MBD5: variants seen among roughly 807,000 people sequenced by gnomAD.
MBD5 encodes the protein methyl-CpG binding domain protein 5.
Under a neutral mutation model 117.3 loss-of-function variants are expected in MBD5, and 13 were observed. That is an observed-to-expected ratio of 0.11 (90% CI 0.07 to 0.18). MBD5 has a LOEUF of 0.18. MBD5 is among the 10% of genes least tolerant of loss of function. The pLI, the probability that MBD5 is intolerant of heterozygous loss-of-function variation, is 1.00. For synonymous variants in MBD5, 727 were observed against 766.4 expected, an observed-to-expected ratio of 0.95 and a Z score of 0.85; for missense variants, 1,879 against 2,093.8, an observed-to-expected ratio of 0.90 and a Z score of 2.00.
chr2:148,197,799 T>TA (rs1553483811), intron 2 of MBD5, among the ~76,000 whole-genome samples: 1 of 132,922 alleles, frequency 7.5e-6, no homozygotes, highest in South Asian at 2.5e-4. Context: ...CTGAGGTTTT[T>TA]TTTTTTGTTT....
intron 3 of MBD5, among the ~76,000 whole-genome samples, chr2:148,292,266 A>G (rs990211666): frequency 6.6e-6 from 1 of 152,206 alleles, no homozygotes; most frequent in Non-Finnish European, 1.5e-5. Flanking sequence ...ACAGTCAAGA[A>G]AGTGAAGAGA....
chr2:148,278,655 A>G (rs1451924612), intron 3 of MBD5, among the ~76,000 whole-genome samples: 1 of 152,134 alleles, frequency 6.6e-6, no homozygotes, highest in African/African-American at 2.4e-5. Flanking sequence ...TTCTCCGGAG[A>G]CAGAACCAGT....
intron 1 of MBD5, among the ~76,000 whole-genome samples, chr2:148,160,637 G>A (rs10497029): frequency 0.3 from 44,871 of 152,008 alleles, 8,141 homozygotes; most frequent in East Asian, 0.46. Flanking sequence ...AGGATATACT[G>A]TAGGAGATAC....
chr2:148,069,335 A>C (rs1451880471), intron 1 of MBD5, among the ~76,000 whole-genome samples: 2 of 152,064 alleles, frequency 1.3e-5, no homozygotes, highest in Non-Finnish European at 2.9e-5. Flanking sequence ...TTTTATGTCA[A>C]TACATATTCA....
chr2:148,189,185 C>T (rs1292602143), intron 2 of MBD5, among the ~76,000 whole-genome samples: 4 of 147,256 alleles, frequency 2.7e-5, no homozygotes, highest in Non-Finnish European at 4.5e-5. Context: ...GGGGGAGGGG[C>T]GCCCGCCATT....
chr2:148,325,163 C>G (rs1041868609), intron 3 of MBD5, among the ~76,000 whole-genome samples: 2 of 152,146 alleles, frequency 1.3e-5, no homozygotes, highest in African/African-American at 2.4e-5. Context: ...ATTGAACCAG[C>G]CTTGCATCCC....
intron 3 of MBD5, among the ~76,000 whole-genome samples, chr2:148,340,729 G>A (rs1295710553): frequency 6.6e-6 from 1 of 151,694 alleles, no homozygotes; most frequent in African/African-American, 2.4e-5. Context: ...TTGAAGTGAG[G>A]ATTATTTGAG....
intron 3 of MBD5, among the ~76,000 whole-genome samples, chr2:148,288,276 T>C (rs1701412198): frequency 8.6e-6 from 1 of 116,688 alleles, no homozygotes; most frequent in African/African-American, 3.0e-5. Context: ...GGCGGGCGCC[T>C]GTAGTCCCAG....
At chr2:148,079,857 A>AAACAACAACAAC (rs201427792) in intron 1 of MBD5, among the ~76,000 whole-genome samples, 1 of 123,476 alleles carries the variant, frequency 8.1e-6, no homozygotes, top group Non-Finnish European at 1.8e-5. Context: ...ACTCTGTCTA[A>AAACAACAACAAC]AACAACAACA....
At chr2:148,414,763 T>G (rs1286872503) in intron 4 of MBD5, among the ~76,000 whole-genome samples, 1 of 152,210 alleles carries the variant, frequency 6.6e-6, no homozygotes, top group African/African-American at 2.4e-5. Flanking sequence ...GTCTGTTTAG[T>G]ATGATACTAG....
intron 4 of MBD5, among the ~76,000 whole-genome samples, chr2:148,446,370 T>C (rs1706525706): frequency 6.6e-6 from 1 of 152,160 alleles, no homozygotes; most frequent in Non-Finnish European, 1.5e-5. Context: ...TTTCTAATAA[T>C]GATGTAGTTA....
chr2:148,485,859 G>T lies in MBD5; in HGVS notation c.3662G>T (p.Gly1221Val). ...PNQQQQQLLQ[G>V]YQNLQAFQGQ... ...CAGCAACAGCAGCAACTTCTCCAGG[G>T]GTACCAGAATCTCCAGGCGTTCCAA... The change falls in exon 10 of 14, where the codon GGG becomes GTG. Residue 1221 changes from glycine to valine, a missense_variant. Physicochemically the swap from Gly to Val is moderately radical, Grantham distance 109 (BLOSUM62 -3). Transcript: ENST00000642680. The T allele has an allele frequency of 1.2e-6, 2 of 1,613,976 alleles. No individual in the cohort carries two copies. Among genetic ancestry groups the T allele is most frequent in the Non-Finnish European group, 1.7e-6 (2 of 1,179,952 alleles).
intron 1 of MBD5, among the ~76,000 whole-genome samples, chr2:148,043,013 A>G (rs1160348567): frequency 6.6e-6 from 1 of 152,068 alleles, no homozygotes; most frequent in Non-Finnish European, 1.5e-5. Flanking sequence ...TTGTTTATGT[A>G]TTTCAGGGAG....
chr2:148,147,280 T>C (rs1342749324), intron 1 of MBD5, among the ~76,000 whole-genome samples: 1 of 151,986 alleles, frequency 6.6e-6, no homozygotes, highest in Non-Finnish European at 1.5e-5. Context: ...TCTCGCACTG[T>C]CACCCAGGCT....
At chr2:148,320,530 AT>A (rs1167701186) in intron 3 of MBD5, among the ~76,000 whole-genome samples, 8 of 151,868 alleles carry the variant, frequency 5.3e-5, no homozygotes, top group African/African-American at 1.9e-4. Flanking sequence ...TAATTTTTGT[AT>A]TTTTTGTAGA....
chr2:148,092,828 A>C (rs1024535719), intron 1 of MBD5, among the ~76,000 whole-genome samples: 4 of 135,452 alleles, frequency 3.0e-5, no homozygotes, highest in Non-Finnish European at 6.5e-5. Context: ...AAAAAAAAAA[A>C]TTTAAACAAA....
At chr2:148,390,642 C>G (rs1704545738) in intron 4 of MBD5, among the ~76,000 whole-genome samples, 1 of 151,582 alleles carries the variant, frequency 6.6e-6, no homozygotes, top group Admixed American at 6.6e-5. Context: ...ATGGCATGAT[C>G]TCAGCTCACG....
intron 8 of MBD5, among the ~76,000 whole-genome samples, chr2:148,478,101 C>T (rs1036428820): frequency 6.6e-6 from 1 of 151,742 alleles, no homozygotes; most frequent in Non-Finnish European, 1.5e-5. Context: ...AGAAGAGAAA[C>T]GAATCAAAAG....
chr2:148,344,440 A>G (rs777324591), intron 4 of MBD5, among the ~76,000 whole-genome samples: 2 of 151,942 alleles, frequency 1.3e-5, no homozygotes, highest in Non-Finnish European at 2.9e-5. Context: ...GATTCTTCCA[A>G]TCCATGAGCA....
Sources: gnomAD v4.1 joint callset for allele counts (sites outside exome capture counted in the v4.1 genomes callset) on GRCh38, gnomAD v4.1.1 for gene constraint, MANE v1.5 for transcripts, NCBI Gene and HGNC (gene_info 2026-07-23, HGNC 2026-07-21) for gene names.